Variants in ST8SIA6 observed in about 807,000 individuals in gnomAD.
ST8SIA6 encodes alpha-2,8-sialyltransferase 8F.
A neutral mutation model predicts 33.6 loss-of-function variants in ST8SIA6; 39 were observed. The ratio of observed to expected loss-of-function variants is 1.16; its 90% CI spans 0.90 to 1.52. The LOEUF (loss-of-function observed/expected upper bound fraction) is 1.52, where lower values mean the gene tolerates loss of function less well. Ranked by LOEUF, ST8SIA6 falls within the 40% of genes most tolerant of loss-of-function variation. The probability of loss-of-function intolerance (pLI) is 0.00; values close to 1 mark genes in which losing one functional copy is unlikely to be tolerated. For synonymous variants in ST8SIA6, 172 were observed against 167.2 expected, an observed-to-expected ratio of 1.03 and a Z score of -0.22; for missense variants, 441 against 443.8, an observed-to-expected ratio of 0.99 and a Z score of 0.06.
intron 3 of ST8SIA6, chr10:17,387,016 T>C (rs1850389052): frequency 1.3e-5 from 2 of 152,246 alleles, no homozygotes; most frequent in Admixed American, 1.3e-4. Context: ...CTGATCTCTT[T>C]TTCATGCTCC....
At chr10:17,416,124 A>G (rs1045751780) in intron 2 of ST8SIA6, among the ~76,000 whole-genome samples, 2 of 151,966 alleles carry the variant, frequency 1.3e-5, no homozygotes, top group Admixed American at 6.6e-5. Context: ...ATCTTACTTG[A>G]TCTTTCAAGA....
chr10:17,416,342 A>G (rs899859004), intron 2 of ST8SIA6, among the ~76,000 whole-genome samples: 2 of 151,720 alleles, frequency 1.3e-5, no homozygotes, highest in African/African-American at 2.4e-5. Flanking sequence ...AGCTCATTCT[A>G]CTCTCTGGCT....
At chr10:17,328,878 G>T (rs1487986066) in intron 5 of ST8SIA6, among the ~76,000 whole-genome samples, 1 of 152,188 alleles carries the variant, frequency 6.6e-6, no homozygotes, top group Admixed American at 6.5e-5. Flanking sequence ...TTGTGAGCTG[G>T]TTTTTTAAAG....
chr10:17,341,526 A>G (rs528727118), intron 4 of ST8SIA6, among the ~76,000 whole-genome samples: 21 of 152,282 alleles, frequency 1.4e-4, no homozygotes, highest in African/African-American at 5.1e-4. Context: ...CCAAAGCCCC[A>G]GTATGATGGT....
chr10:17,353,136 A>G (rs1050188474), intron 4 of ST8SIA6, among the ~76,000 whole-genome samples: 2 of 152,196 alleles, frequency 1.3e-5, no homozygotes, highest in Admixed American at 6.5e-5. Context: ...CCTACAGAAC[A>G]AAATGCCTGG....
intron 2 of ST8SIA6, chr10:17,407,867 C>T (rs536828715): frequency 9.8e-5 from 15 of 152,378 alleles, no homozygotes; most frequent in Admixed American, 9.8e-4. Flanking sequence ...GTCTCATAGG[C>T]AGAAGGGTTT....
intron 3 of ST8SIA6, among the ~76,000 whole-genome samples, chr10:17,378,025 CAG>C (rs899210555): frequency 2.6e-5 from 4 of 152,130 alleles, no homozygotes; most frequent in African/African-American, 9.7e-5. Context: ...CTTTGCCAAA[CAG>C]AATACCAGTG....
chr10:17,404,365 A>G, intron 2 of ST8SIA6, among the ~76,000 whole-genome samples: 1 of 152,090 alleles, frequency 6.6e-6, no homozygotes, highest in Non-Finnish European at 1.5e-5. Context: ...CCTTCAATGG[A>G]GAACCACCTC....
intron 4 of ST8SIA6, among the ~76,000 whole-genome samples, chr10:17,352,985 T>C (rs990936493): frequency 2.0e-5 from 3 of 152,142 alleles, no homozygotes; most frequent in African/African-American, 4.8e-5. Flanking sequence ...AAAATATGTA[T>C]TGCTTTCAGC....
At chr10:17,330,524 A>G (rs1283147380) in intron 5 of ST8SIA6, among the ~76,000 whole-genome samples, 1 of 152,118 alleles carries the variant, frequency 6.6e-6, no homozygotes. Flanking sequence ...TCAGCTAGTT[A>G]TTCTTCCTCT....
At chr10:17,431,753 A>G (rs1206185785) in intron 2 of ST8SIA6, among the ~76,000 whole-genome samples, 1 of 151,802 alleles carries the variant, frequency 6.6e-6, no homozygotes, top group Non-Finnish European at 1.5e-5. Flanking sequence ...AAAAAAAAAA[A>G]GGAATTTGCC....
chr10:17,426,115 A>G (rs1313029750), intron 2 of ST8SIA6, among the ~76,000 whole-genome samples: 1 of 152,146 alleles, frequency 6.6e-6, no homozygotes, highest in Non-Finnish European at 1.5e-5. Context: ...CACCCTGCTG[A>G]TACTACAAAG....
intron 3 of ST8SIA6, among the ~76,000 whole-genome samples, chr10:17,370,788 T>G (rs1217365447): frequency 6.6e-6 from 1 of 152,202 alleles, no homozygotes; most frequent in African/African-American, 2.4e-5. Flanking sequence ...CATATATATT[T>G]GGGAAGCACT....
intron 4 of ST8SIA6, among the ~76,000 whole-genome samples, chr10:17,333,706 TATATATATATA>T (rs1209082729): frequency 1.3e-4 from 4 of 30,832 alleles, no homozygotes; most frequent in African/African-American, 1.6e-4. Context: ...TATATATATA[TATATATATATA>T]TTTTTTTTTT....
rs1848179106 is a variant in ST8SIA6 at position 17,327,678 on chromosome 10, G to T, written c.523-552C>A. ...CAGCACTTTGGGAGGCTGCCAAAAT[G>T]AGAGAGTCACTTGAGGCCAAGAGTT... is the stretch of plus-strand genomic sequence containing the variant. On this transcript the variant is annotated intron_variant, in intron 5 of 7. Coordinates refer to ENST00000377602, the MANE Select transcript of ST8SIA6 (RefSeq NM_001004470.3). Among the ~76,000 whole-genome samples, 4 of 152,110 alleles carry T rather than the reference G, an allele frequency of 2.6e-5. No homozygotes were observed. In the South Asian group the frequency reaches 8.3e-4, roughly 32 times the overall value.
intron 3 of ST8SIA6, among the ~76,000 whole-genome samples, chr10:17,374,502 C>G (rs1336104301): frequency 2.0e-5 from 3 of 151,704 alleles, no homozygotes; most frequent in Non-Finnish European, 4.4e-5. Context: ...GCGGGTGGAT[C>G]ATCTGAGGTC....
rs1001640225 is a variant in ST8SIA6 at position 17,317,382 on chromosome 10, T to A, written c.*3496A>T. Among the ~76,000 whole-genome samples, 7 of 152,170 alleles carry A rather than the reference T, an allele frequency of 4.6e-5. No individual in the cohort carries two copies. The highest frequency in any genetic ancestry group is 1.7e-4 in the African/African-American group (7 of 41,444). On this transcript the variant is annotated 3_prime_UTR_variant, in exon 8 of 8. Transcript: ENST00000377602. ...CTGTTCCTCGCTATGGGATCAGCCTTCTGAAGCCACATGTAAATAGGAAAT... is the reference window on the plus strand; with the variant it reads ...CTGTTCCTCGCTATGGGATCAGCCTACTGAAGCCACATGTAAATAGGAAAT...
intron 6 of ST8SIA6, among the ~76,000 whole-genome samples, chr10:17,325,995 C>T (rs942294142): frequency 1.3e-5 from 2 of 152,152 alleles, no homozygotes; most frequent in Non-Finnish European, 2.9e-5. Context: ...GAATTATCTT[C>T]CTTATGGCTT....
At chr10:17,437,395 C>A (rs1852304492) in intron 2 of ST8SIA6, among the ~76,000 whole-genome samples, 1 of 152,190 alleles carries the variant, frequency 6.6e-6, no homozygotes, top group Admixed American at 6.5e-5. Context: ...TAGTCATGAA[C>A]TCCTGGCCTC....
Sources: allele counts gnomAD v4.1 joint callset (sites outside exome capture counted in the v4.1 genomes callset), GRCh38; gene constraint gnomAD v4.1.1; transcripts MANE v1.5; gene names NCBI Gene and HGNC (gene_info 2026-07-23, HGNC 2026-07-21).